The following KLHL20 variants were observed in gnomAD, a reference collection of about 807,000 sequenced individuals.
KLHL20 encodes kelch like family member 20, also known as kelch-like protein 20.
A neutral mutation model predicts 69.5 loss-of-function variants in KLHL20; 29 were observed. That is an observed-to-expected ratio of 0.42 (90% confidence interval 0.31 to 0.57). The LOEUF is 0.57. Ranked by LOEUF, KLHL20 falls within the 20% of genes least tolerant of loss-of-function variation. The probability of loss-of-function intolerance (pLI) is 0.18; values close to 1 mark genes in which losing one functional copy is unlikely to be tolerated. For synonymous variants in KLHL20, 253 were observed against 265.2 expected, an observed-to-expected ratio of 0.95 and a Z score of 0.45; for missense variants, 419 against 776.0, an observed-to-expected ratio of 0.54 and a Z score of 5.47.
At chr1:173,719,561 G>C (rs1671624529) in intron 2 of KLHL20, among the ~76,000 whole-genome samples, 1 of 152,050 alleles carries the variant, frequency 6.6e-6, no homozygotes, top group Non-Finnish European at 1.5e-5. Context: ...GGAGGTTGCA[G>C]TGAGCCAAAA....
At chr1:173,782,089 T>A (rs761178802) in intron 10 of KLHL20, 35 bp from the exon 11 acceptor site, 1 of 1,449,240 alleles carries the variant, frequency 6.9e-7, no homozygotes, top group East Asian at 2.3e-5. Context: ...GATTGTCTAG[T>A]TTCTTCAGCA....
chr1:173,756,861 T>C (rs1673572776), intron 6 of KLHL20, 115 bp from the exon 7 acceptor site: 2 of 865,242 alleles, frequency 2.3e-6, no homozygotes, highest in Non-Finnish European at 3.5e-6. Context: ...CATTTTGACC[T>C]ACTACTAGAG....
intron 4 of KLHL20, among the ~76,000 whole-genome samples, chr1:173,752,649 T>C (rs990534467): frequency 6.6e-6 from 1 of 152,178 alleles, no homozygotes; most frequent in African/African-American, 2.4e-5. Context: ...GTTATTGTGA[T>C]TATAGTCTTT....
intron 2 of KLHL20, among the ~76,000 whole-genome samples, chr1:173,721,064 A>C (rs1671692070): frequency 6.6e-6 from 1 of 152,160 alleles, no homozygotes; most frequent in Non-Finnish European, 1.5e-5. Context: ...TGAGGACAGA[A>C]CTGTAGTGAG....
In KLHL20 at chr1:173,742,538, T is replaced by A. The variant is rs373427285; in HGVS notation, c.597+8252T>A. ...GGTAACAGGGAATATTTAGAGAGGATAGAAGAAAAGAGCAAGCATGGGTTG... is the reference window on the plus strand; with the variant it reads ...GGTAACAGGGAATATTTAGAGAGGAAAGAAGAAAAGAGCAAGCATGGGTTG... On this transcript the variant is annotated intron_variant, in intron 3 of 11. Transcript: ENST00000209884. 2.1e-3 allele frequency among the ~76,000 whole-genome samples: 314 copies of A among 151,868 alleles called. 1 individual carries two copies. The highest frequency in any genetic ancestry group is 4.2e-3 in the South Asian group (20 of 4,800).
Sources: allele counts gnomAD v4.1 joint callset (sites outside exome capture counted in the v4.1 genomes callset), GRCh38; gene constraint gnomAD v4.1.1; transcripts MANE v1.5; gene names NCBI Gene and HGNC (gene_info 2026-07-23, HGNC 2026-07-21).